Variants in SYN2 observed in about 807,000 individuals in gnomAD.
The protein encoded by SYN2 is synapsin-2.
SYN2 carries 19 observed loss-of-function variants against 50.9 expected under a neutral mutation model. The observed-to-expected ratio is 0.37, with a 90% CI of 0.26 to 0.55. The LOEUF (loss-of-function observed/expected upper bound fraction) is 0.55. Ranked by LOEUF, SYN2 falls within the 20% of genes least tolerant of loss-of-function variation. The probability of loss-of-function intolerance (pLI) is 0.81; values close to 1 mark genes in which losing one functional copy is unlikely to be tolerated. For missense variants in SYN2, 587 were observed against 576.4 expected, an observed-to-expected ratio of 1.02 and a Z score of -0.19; for synonymous variants, 255 against 224.9, an observed-to-expected ratio of 1.13 and a Z score of -1.20.
intron 1 of SYN2, among the ~76,000 whole-genome samples, chr3:12,037,492 G>A (rs1429924950): frequency 1.3e-5 from 2 of 152,206 alleles, no homozygotes; most frequent in African/African-American, 4.8e-5. Flanking sequence ...TCAAGGGGCT[G>A]TATCTGGTGA....
chr3:12,065,584 G>A (rs545237641), intron 1 of SYN2, among the ~76,000 whole-genome samples: 1 of 152,190 alleles, frequency 6.6e-6, no homozygotes, highest in South Asian at 2.1e-4. Context: ...TATCCTAAAT[G>A]AATTAATAAC....
chr3:12,032,960 C>T (rs1247331310), intron 1 of SYN2, among the ~76,000 whole-genome samples: 8 of 107,742 alleles, frequency 7.4e-5, no homozygotes, highest in African/African-American at 2.2e-4. Context: ...AGGCGCTCTG[C>T]GTTTTAGAGT....
chr3:12,075,892 A>C (rs1279774149), intron 1 of SYN2, among the ~76,000 whole-genome samples: 1 of 152,162 alleles, frequency 6.6e-6, no homozygotes, highest in Non-Finnish European at 1.5e-5. Flanking sequence ...ATAGCTGATA[A>C]TATTACCAGC....
chr3:12,129,793 C>A (rs943687543), intron 1 of SYN2, among the ~76,000 whole-genome samples: 3 of 152,100 alleles, frequency 2.0e-5, no homozygotes, highest in African/African-American at 7.2e-5. Flanking sequence ...TTGTTATGGG[C>A]TGAATGTTTG....
At chr3:12,170,447 A>T (rs1277893085) in intron 10 of SYN2, among the ~76,000 whole-genome samples, 2 of 152,242 alleles carry the variant, frequency 1.3e-5, no homozygotes, top group Non-Finnish European at 2.9e-5. Context: ...GGCCTTCTTC[A>T]GTTGGCTGTA....
At position 12,106,553 on chromosome 3, in the gene SYN2, TACTG is replaced by T. The variant is rs1234177247; in HGVS notation, c.378-34095_378-34092del. 3.3e-5 allele frequency among the ~76,000 whole-genome samples: 5 copies of T among 152,300 alleles called. No individual in the cohort carries two copies. The East Asian group carries it at 9.7e-4, about 29-fold the overall frequency. On this transcript the variant is annotated intron_variant, in intron 1 of 12. Transcript: ENST00000621198. ...CTGCCACATCATAACGTTTAGTAAA[TACTG>T]ACATTTACATTATCTGTGACTAAAA... is the stretch of plus-strand genomic sequence containing the variant.
rs1272961361 is a variant in SYN2, at chr3:12,151,263, G to T, written c.711G>T (p.Lys237Asn). ...WVFAQLVAIY[K>N]TLGGEKFPLI... ...TTGCCCAGCTGGTCGCTATCTATAA[G>T]ACACTGGGAGGAGAAAAGTTCCCTC... The change falls in exon 5 of 13, where the codon AAG becomes AAT. Residue 237 changes from lysine (K) to asparagine (N), a missense_variant. Lys to Asn is a moderately conservative substitution (Grantham distance 94). Coordinates refer to ENST00000621198, the MANE Select transcript of SYN2 (RefSeq NM_133625.6). 6.2e-7 allele frequency: 1 copy of T among 1,613,098 alleles called. No individual in the cohort carries two copies. The highest frequency in any genetic ancestry group is 1.3e-5 in the African/African-American group (1 of 74,902).
At chr3:12,129,125 A>G (rs1696733942) in intron 1 of SYN2, among the ~76,000 whole-genome samples, 2 of 152,224 alleles carry the variant, frequency 1.3e-5, no homozygotes, top group Non-Finnish European at 2.9e-5. Context: ...CAAAATAGAA[A>G]TAATGAATAT....
intron 1 of SYN2, among the ~76,000 whole-genome samples, chr3:12,050,691 T>C (rs894138556): frequency 2.9e-5 from 4 of 140,340 alleles, no homozygotes; most frequent in African/African-American, 1.0e-4. Flanking sequence ...TTTGGAATAA[T>C]CTCATCTTTC....
At chr3:12,092,597 A>G (rs887375005) in intron 1 of SYN2, among the ~76,000 whole-genome samples, 2 of 152,204 alleles carry the variant, frequency 1.3e-5, no homozygotes, top group East Asian at 1.9e-4. Context: ...CTTATTAGCT[A>G]TACCACTTAT....
chr3:12,183,066 A>G (rs900248095), intron 10 of SYN2, among the ~76,000 whole-genome samples: 19 of 152,242 alleles, frequency 1.2e-4, no homozygotes, highest in African/African-American at 4.6e-4. Flanking sequence ...GGGGTTGAAG[A>G]GGTCTCAGGC....
intron 1 of SYN2, among the ~76,000 whole-genome samples, chr3:12,127,214 G>A (rs1252483274): frequency 2.0e-5 from 3 of 152,290 alleles, no homozygotes; most frequent in South Asian, 2.1e-4. Context: ...AATGTGAAGT[G>A]TATTTCAATG....
chr3:12,058,261 G>A (rs1208444792), intron 1 of SYN2, among the ~76,000 whole-genome samples: 2 of 152,208 alleles, frequency 1.3e-5, no homozygotes, highest in African/African-American at 4.8e-5. Context: ...ACAAATTAAT[G>A]ATCCCTTTAA....
At chr3:12,098,316 T>G (rs1370402203) in intron 1 of SYN2, among the ~76,000 whole-genome samples, 2 of 152,300 alleles carry the variant, frequency 1.3e-5, no homozygotes, top group Non-Finnish European at 2.9e-5. Context: ...AATTAAAACA[T>G]TCCTAGATGT....
chr3:12,165,821 G>A (rs919884481), intron 7 of SYN2, among the ~76,000 whole-genome samples: 1 of 152,212 alleles, frequency 6.6e-6, no homozygotes, highest in Non-Finnish European at 1.5e-5. Flanking sequence ...GGTTTTGCCA[G>A]CCACTCAGTA....
intron 1 of SYN2, among the ~76,000 whole-genome samples, chr3:12,119,521 C>G (rs1043939386): frequency 6.6e-6 from 1 of 152,094 alleles, no homozygotes; most frequent in Non-Finnish European, 1.5e-5. Flanking sequence ...GCTCCTTTTT[C>G]CCCCCTAACA....
chr3:12,094,191 T>G (rs1358060440), intron 1 of SYN2, among the ~76,000 whole-genome samples: 1 of 152,174 alleles, frequency 6.6e-6, no homozygotes, highest in Non-Finnish European at 1.5e-5. Context: ...CTGTCTAATA[T>G]TATTAATCTG....
chr3:12,105,026 C>T (rs1427351717), intron 1 of SYN2, among the ~76,000 whole-genome samples: 1 of 152,096 alleles, frequency 6.6e-6, no homozygotes, highest in East Asian at 1.9e-4. Context: ...GTTTCTGAAG[C>T]CTTAATCATC....
intron 1 of SYN2, among the ~76,000 whole-genome samples, chr3:12,135,882 AT>A (rs1362369957): frequency 6.6e-6 from 1 of 152,256 alleles, no homozygotes; most frequent in African/African-American, 2.4e-5. Context: ...ATTTATGGAT[AT>A]AATGATTATA....
Sources: allele counts gnomAD v4.1 joint callset (sites outside exome capture counted in the v4.1 genomes callset), GRCh38; gene constraint gnomAD v4.1.1; transcripts MANE v1.5; gene names NCBI Gene and HGNC (gene_info 2026-07-23, HGNC 2026-07-21).